The following WWOX variants were observed in gnomAD, a reference collection of about 807,000 sequenced individuals.
The protein encoded by WWOX is WW domain-containing oxidoreductase.
In WWOX, 69 loss-of-function variants were observed where a neutral mutation model predicts 46.2. The ratio of observed to expected loss-of-function variants is 1.49; its 90% CI spans 1.23 to 1.82. WWOX has a LOEUF of 1.82. Among genes scored for constraint, WWOX ranks in the 40% most tolerant of loss-of-function variants. The probability of loss-of-function intolerance (pLI) is 0.00; values close to 1 mark genes in which losing one functional copy is unlikely to be tolerated. For synonymous variants in WWOX, 359 were observed against 202.6 expected, an observed-to-expected ratio of 1.77 and a Z score of -6.56; for missense variants, 919 against 542.6, an observed-to-expected ratio of 1.69 and a Z score of -6.89.
At chr16:79,108,655 A>C (rs1471196180) in intron 8 of WWOX, among the ~76,000 whole-genome samples, 1 of 152,276 alleles carries the variant, frequency 6.6e-6, no homozygotes, top group East Asian at 1.9e-4. Context: ...TAATCCTAGC[A>C]CTTTGAGAGG....
chr16:78,385,618 G>A (rs72796083), intron 5 of WWOX, among the ~76,000 whole-genome samples: 10,452 of 152,110 alleles, frequency 0.069, 385 homozygotes, highest in East Asian at 0.12. Context: ...CTGCAATTAC[G>A]CTGAACGTCT....
chr16:78,535,629 T>C (rs1394563603), intron 8 of WWOX: 1 of 152,244 alleles, frequency 6.6e-6, no homozygotes, highest in Non-Finnish European at 1.5e-5. Flanking sequence ...TGATACCTTC[T>C]GACTGTTAGT....
intron 5 of WWOX, among the ~76,000 whole-genome samples, chr16:78,306,046 A>G (rs959386223): frequency 1.3e-5 from 2 of 152,196 alleles, no homozygotes; most frequent in South Asian, 2.1e-4. Flanking sequence ...AGCTGTGTTT[A>G]TATATAGACA....
At chr16:78,250,237 A>G (rs150142408) in intron 5 of WWOX, among the ~76,000 whole-genome samples, 222 of 152,322 alleles carry the variant, frequency 1.5e-3, no homozygotes, top group African/African-American at 5.2e-3. Flanking sequence ...TATCTGGCAC[A>G]TTAGCGAGAG....
At chr16:78,772,854 A>G (rs1199337273) in intron 8 of WWOX, among the ~76,000 whole-genome samples, 2 of 152,120 alleles carry the variant, frequency 1.3e-5, no homozygotes, top group Non-Finnish European at 2.9e-5. Flanking sequence ...ACTTGTATCT[A>G]CTTAAAGTAA....
chr16:78,987,271 G>A (rs950524434), intron 8 of WWOX, among the ~76,000 whole-genome samples: 1 of 152,170 alleles, frequency 6.6e-6, no homozygotes, highest in Non-Finnish European at 1.5e-5. Flanking sequence ...GATTGCTTTA[G>A]GTTCCATGAT....
intron 8 of WWOX, among the ~76,000 whole-genome samples, chr16:78,567,306 G>C (rs1036401118): frequency 6.6e-6 from 1 of 151,984 alleles, no homozygotes; most frequent in African/African-American, 2.4e-5. Context: ...AGCACTTTGG[G>C]AGGCCGAGGT....
intron 5 of WWOX, among the ~76,000 whole-genome samples, chr16:78,250,691 T>G (rs1323049433): frequency 6.6e-6 from 1 of 152,140 alleles, no homozygotes; most frequent in African/African-American, 2.4e-5. Context: ...GATGGCGGGC[T>G]GGATAGTACA....
chr16:79,190,412 C>A (rs1464706558), intron 8 of WWOX, among the ~76,000 whole-genome samples: 8 of 152,226 alleles, frequency 5.3e-5, no homozygotes, highest in African/African-American at 1.7e-4. Flanking sequence ...GATATGAATT[C>A]CAAAGACCAC....
chr16:78,464,477 C>G (rs79801893), intron 8 of WWOX, among the ~76,000 whole-genome samples: 1 of 152,106 alleles, frequency 6.6e-6, no homozygotes, highest in African/African-American at 2.4e-5. Flanking sequence ...GAATACAAAT[C>G]GTATCACAAA....
At chr16:78,392,520 C>T (rs1392242043) in intron 6 of WWOX, among the ~76,000 whole-genome samples, 1 of 152,078 alleles carries the variant, frequency 6.6e-6, no homozygotes, top group Non-Finnish European at 1.5e-5. Flanking sequence ...AAAGCCACCC[C>T]CACTCCTTTG....
In WWOX at chr16:78,731,295, G is replaced by T. The variant is rs552224664; in HGVS notation, c.1056+298543G>T. On this transcript the variant is annotated intron_variant, in intron 8 of 8. Coordinates refer to ENST00000566780, the MANE Select transcript of WWOX (RefSeq NM_016373.4). ...GTAAGAATTTAGAGCACAGAGGCAC[G>T]CTCACATGAAGCTGCCAATTCCTCT... Among the ~76,000 whole-genome samples the T allele has an allele frequency of 2.0e-5, 3 of 152,258 alleles. No homozygotes were observed. In the East Asian group the frequency reaches 5.8e-4, roughly 30 times the overall value.
At chr16:78,777,097 G>T (rs1242660855) in intron 8 of WWOX, among the ~76,000 whole-genome samples, 2 of 152,200 alleles carry the variant, frequency 1.3e-5, no homozygotes, top group Non-Finnish European at 2.9e-5. Context: ...GTTTAGGTCA[G>T]AAAAGTTTCA....
chr16:78,667,670 CAAAAAA>C (rs35375082), intron 8 of WWOX, among the ~76,000 whole-genome samples: 4 of 61,306 alleles, frequency 6.5e-5, no homozygotes, highest in Non-Finnish European at 6.7e-5. Context: ...GACTCCGTCT[CAAAAAA>C]AAAAAAAAAA....
intron 4 of WWOX, among the ~76,000 whole-genome samples, chr16:78,159,910 C>T (rs982721992): frequency 6.6e-6 from 1 of 151,840 alleles, no homozygotes; most frequent in Admixed American, 6.6e-5. Flanking sequence ...TCCTTTTATT[C>T]ATCCCTGATA....
intron 8 of WWOX, among the ~76,000 whole-genome samples, chr16:78,718,724 T>C (rs2048624865): frequency 6.6e-6 from 1 of 151,982 alleles, no homozygotes; most frequent in African/African-American, 2.4e-5. Context: ...TTAGGAGAGT[T>C]CCAATGTTTC....
chr16:78,383,455 A>C (rs771628367), intron 5 of WWOX, among the ~76,000 whole-genome samples: 4 of 152,172 alleles, frequency 2.6e-5, no homozygotes, highest in Non-Finnish European at 5.9e-5. Context: ...TCAGTTGCAG[A>C]TTCACTGCCA....
At chr16:78,252,597 T>C (rs1247265735) in intron 5 of WWOX, among the ~76,000 whole-genome samples, 1 of 152,346 alleles carries the variant, frequency 6.6e-6, no homozygotes, top group Middle Eastern at 3.4e-3. Context: ...CAATGGCCTT[T>C]ATTTTTCCTT....
At chr16:79,034,132 A>T (rs771630786) in intron 8 of WWOX, among the ~76,000 whole-genome samples, 1 of 152,272 alleles carries the variant, frequency 6.6e-6, no homozygotes, top group South Asian at 2.1e-4. Context: ...TGCACTCTTG[A>T]CATTTTTTAT....
Sources: gnomAD v4.1 joint callset for allele counts (sites outside exome capture counted in the v4.1 genomes callset) on GRCh38, gnomAD v4.1.1 for gene constraint, MANE v1.5 for transcripts, NCBI Gene and HGNC (gene_info 2026-07-23, HGNC 2026-07-21) for gene names.